The following DNM3 variants were observed in gnomAD, a reference collection of about 807,000 sequenced individuals.
The protein encoded by DNM3 is dynamin-3.
In DNM3, 47 loss-of-function variants were observed where a neutral mutation model predicts 101.6. The observed-to-expected ratio is 0.46, with a 90% CI of 0.37 to 0.59. The LOEUF (loss-of-function observed/expected upper bound fraction) is 0.59, where lower values mean the gene tolerates loss of function less well. Ranked by LOEUF, DNM3 falls within the 20% of genes least tolerant of loss-of-function variation. DNM3 has a pLI of 0.00. For missense variants in DNM3, 849 were observed against 1,085.7 expected (o/e 0.78, Z 3.06); for synonymous variants, 385 against 387.9 (o/e 0.99, Z 0.09).
intron 4 of DNM3, among the ~76,000 whole-genome samples, chr1:172,009,017 A>C (rs2046914867): frequency 7.2e-6 from 1 of 138,180 alleles, no homozygotes; most frequent in Non-Finnish European, 1.5e-5. Context: ...ACATGCATGT[A>C]CTTATTTATA....
chr1:172,094,002 C>G (rs1572480033), intron 13 of DNM3, among the ~76,000 whole-genome samples: 1 of 152,264 alleles, frequency 6.6e-6, no homozygotes, highest in East Asian at 1.9e-4. Context: ...TTTGATATTT[C>G]TCTAATTTTA....
At chr1:172,091,676 G>C (rs915604836) in intron 12 of DNM3, among the ~76,000 whole-genome samples, 1 of 152,126 alleles carries the variant, frequency 6.6e-6, no homozygotes, top group Non-Finnish European at 1.5e-5. Context: ...GCTTGAGTAG[G>C]GCCTTGTAGA....
At chr1:172,067,459 CT>C (rs1455703803) in intron 10 of DNM3, among the ~76,000 whole-genome samples, 1 of 152,080 alleles carries the variant, frequency 6.6e-6, no homozygotes, top group Non-Finnish European at 1.5e-5. Flanking sequence ...GATGTGGCCC[CT>C]CTCTACTTTT....
chr1:172,027,168 C>T (rs571232929), intron 4 of DNM3, among the ~76,000 whole-genome samples: 2 of 152,278 alleles, frequency 1.3e-5, no homozygotes, highest in East Asian at 3.9e-4. Flanking sequence ...ACTATTGACA[C>T]TATGAAGAAA....
At chr1:172,067,813 A>G (rs953688244) in intron 10 of DNM3, among the ~76,000 whole-genome samples, 1 of 152,236 alleles carries the variant, frequency 6.6e-6, no homozygotes, top group Non-Finnish European at 1.5e-5. Context: ...TTTTGCAAAA[A>G]AAATGTACAT....
chr1:172,275,117 T>G (rs1471385659), intron 15 of DNM3, among the ~76,000 whole-genome samples: 1 of 152,082 alleles, frequency 6.6e-6, no homozygotes, highest in Non-Finnish European at 1.5e-5. Context: ...TGTTGCTAGA[T>G]GCACAAGTAG....
chr1:172,025,084 A>C (rs2048103599), intron 4 of DNM3, among the ~76,000 whole-genome samples: 1 of 152,196 alleles, frequency 6.6e-6, no homozygotes, highest in Non-Finnish European at 1.5e-5. Flanking sequence ...CAGCAGTCTG[A>C]AGTTGACCTG....
At chr1:172,168,329 A>G (rs1263934539) in intron 14 of DNM3, among the ~76,000 whole-genome samples, 1 of 151,976 alleles carries the variant, frequency 6.6e-6, no homozygotes, top group Non-Finnish European at 1.5e-5. Flanking sequence ...ACTATGGGCT[A>G]TCATTTCTCC....
chr1:172,029,620 C>T (rs558499978), intron 4 of DNM3, among the ~76,000 whole-genome samples: 1 of 152,314 alleles, frequency 6.6e-6, no homozygotes, highest in Admixed American at 6.5e-5. Flanking sequence ...GAAATTATCC[C>T]TGTTTGCAGA....
At position 172,283,164 on chromosome 1, in the gene DNM3, C is replaced by T. The variant is rs184801885; in HGVS notation, c.1770-25564C>T. Among the ~76,000 whole-genome samples, 334 of 152,254 alleles carry T rather than the reference C, an allele frequency of 2.2e-3. 4 individuals are homozygous for T. Among genetic ancestry groups the T allele is most frequent in the Non-Finnish European group, 4.3e-4 (29 of 68,016 alleles). Reference sequence around the variant, plus strand: ...TTTTCCTCAATGGCAATGGCTAAAACGCCAGGGGCTCCATATTGCTTCAGA... The same window carrying T: ...TTTTCCTCAATGGCAATGGCTAAAATGCCAGGGGCTCCATATTGCTTCAGA... On this transcript the variant is annotated intron_variant, in intron 15 of 20. Transcript: ENST00000627582.
intron 10 of DNM3, among the ~76,000 whole-genome samples, chr1:172,061,464 A>T (rs1224245993): frequency 6.6e-6 from 1 of 151,066 alleles, no homozygotes; most frequent in Non-Finnish European, 1.5e-5. Flanking sequence ...TCCAACAATG[A>T]TAGACTGGAT....
chr1:171,865,437 G>T (rs866634432), intron 1 of DNM3, among the ~76,000 whole-genome samples: 1 of 148,954 alleles, frequency 6.7e-6, no homozygotes, highest in Non-Finnish European at 1.5e-5. Flanking sequence ...GATCTCTTGA[G>T]ACTGGGAGGT....
chr1:172,393,697 CT>C (rs2069725552), intron 20 of DNM3: 1 of 152,616 alleles, frequency 6.6e-6, no homozygotes, highest in Admixed American at 6.5e-5. Context: ...TTCTATTTTT[CT>C]CACCATCCTC....
intron 4 of DNM3, among the ~76,000 whole-genome samples, chr1:172,023,647 CAT>C (rs1424181725): frequency 6.6e-6 from 1 of 151,794 alleles, no homozygotes; most frequent in East Asian, 1.9e-4. Flanking sequence ...TGTGTATGTG[CAT>C]GTGTGTGTGT....
chr1:171,999,427 G>T (rs1002179164), intron 4 of DNM3, among the ~76,000 whole-genome samples: 2 of 152,148 alleles, frequency 1.3e-5, no homozygotes, highest in African/African-American at 4.8e-5. Context: ...GGGAGATCAA[G>T]AGCTCTATTT....
At chr1:172,075,585 C>G (rs1572396448) in intron 11 of DNM3, among the ~76,000 whole-genome samples, 1 of 152,004 alleles carries the variant, frequency 6.6e-6, no homozygotes, top group East Asian at 1.9e-4. Flanking sequence ...TTCCCCATTG[C>G]TTTTTTTTGG....
intron 2 of DNM3, among the ~76,000 whole-genome samples, chr1:171,929,371 A>G (rs1195095102): frequency 6.6e-6 from 1 of 152,206 alleles, no homozygotes; most frequent in Non-Finnish European, 1.5e-5. Flanking sequence ...CGGTCTGGCC[A>G]TGTTTTTGTA....
At chr1:172,416,723 TTC>T (rs1558116299), downstream of DNM3, among the ~76,000 whole-genome samples, 1 of 152,180 alleles carries the variant, frequency 6.6e-6, no homozygotes, top group Non-Finnish European at 1.5e-5. Flanking sequence ...CGAAAATAGT[TTC>T]TGTTTTCTGG....
At chr1:172,416,063 G>A (rs1228254248), downstream of DNM3, among the ~76,000 whole-genome samples, 1 of 152,104 alleles carries the variant, frequency 6.6e-6, no homozygotes, top group Non-Finnish European at 1.5e-5. Flanking sequence ...ATGCTGCTTT[G>A]AAGTTATTTT....
Sources: gnomAD v4.1 joint callset for allele counts (sites outside exome capture counted in the v4.1 genomes callset) on GRCh38, gnomAD v4.1.1 for gene constraint, MANE v1.5 for transcripts, NCBI Gene and HGNC (gene_info 2026-07-23, HGNC 2026-07-21) for gene names.